Variants in TMTC2 observed in about 807,000 individuals in gnomAD.
The protein encoded by TMTC2 is protein O-mannosyl-transferase TMTC2.
TMTC2 carries 43 observed loss-of-function variants against 82.4 expected under a neutral mutation model. That is an observed-to-expected ratio of 0.52 (90% CI 0.41 to 0.67). The LOEUF (loss-of-function observed/expected upper bound fraction) is 0.67. Ranked by LOEUF, TMTC2 falls within the 30% of genes least tolerant of loss-of-function variation. The pLI is 0.00. For synonymous variants in TMTC2, 408 were observed against 381.9 expected, an observed-to-expected ratio of 1.07 and a Z score of -0.80; for missense variants, 919 against 1,012.4, an observed-to-expected ratio of 0.91 and a Z score of 1.25.
chr12:82,947,325 A>AT (rs11416434), intron 4 of TMTC2, among the ~76,000 whole-genome samples: 139,594 of 147,660 alleles, frequency 0.95, 66,011 homozygotes, highest in East Asian at 1. Context: ...GCAGAGTGCA[A>AT]TTTTTTTTTC....
chr12:82,817,653 C>T (rs574132197), intron 1 of TMTC2, among the ~76,000 whole-genome samples: 2 of 152,256 alleles, frequency 1.3e-5, no homozygotes, highest in African/African-American at 4.8e-5. Flanking sequence ...AGTCATTAAA[C>T]TTTGTCTCAT....
Position 83,132,404 on chromosome 12 carries a change from G to T in TMTC2, c.*15G>T, listed in dbSNP as rs1885290648. On this transcript the variant is annotated 3_prime_UTR_variant, in exon 12 of 12. Coordinates refer to ENST00000321196, the MANE Select transcript of TMTC2 (RefSeq NM_152588.3). The stretch of plus-strand genomic sequence containing the variant: ...CTAAGACCTGACACAGGAGGCAGAA[G>T]CCCATCCTCCTCCATTTTTAAAAGC... The T allele has an allele frequency of 6.2e-7, 1 of 1,611,050 alleles. No homozygotes were observed. The highest frequency in any genetic ancestry group is 8.5e-7 in the Non-Finnish European group (1 of 1,179,150).
intron 3 of TMTC2, among the ~76,000 whole-genome samples, chr12:82,914,676 G>T (rs1010657652): frequency 7.2e-5 from 11 of 151,878 alleles, no homozygotes; most frequent in Non-Finnish European, 1.3e-4. Flanking sequence ...ATATCGAATT[G>T]GTTATGCTTT....
chr12:82,903,107 A>G (rs1299638948), intron 3 of TMTC2, among the ~76,000 whole-genome samples: 1 of 152,064 alleles, frequency 6.6e-6, no homozygotes, highest in Non-Finnish European at 1.5e-5. Context: ...TCTTCCTGCA[A>G]TGTGTTCTCC....
chr12:82,929,205 A>G (rs1323433485), intron 3 of TMTC2, among the ~76,000 whole-genome samples: 2 of 151,832 alleles, frequency 1.3e-5, no homozygotes, highest in Non-Finnish European at 2.9e-5. Flanking sequence ...CATGACATCT[A>G]ACACGCCAAG....
Position 83,132,659 on chromosome 12 carries a change from C to G in TMTC2, c.*270C>G, listed in dbSNP as rs1269849173. The G allele has an allele frequency of 2.8e-6, 1 of 359,548 alleles. No individual in the cohort carries two copies. The highest frequency in any genetic ancestry group is 4.9e-6 in the Non-Finnish European group (1 of 202,992). 22.3% of individuals were successfully genotyped at this position (359,548 alleles called of 1,614,324 possible). A position where few individuals can be genotyped will look rare whatever the true frequency, so the allele number is the denominator to read the frequency against. ...ACTTAAAACAGAACCTTTTGGCATTCTTAAAAAGGGAGGGGTGGGTGTGTA... is the reference window on the plus strand; with the variant it reads ...ACTTAAAACAGAACCTTTTGGCATTGTTAAAAAGGGAGGGGTGGGTGTGTA... On this transcript the variant is annotated 3_prime_UTR_variant, in exon 12 of 12. Coordinates refer to ENST00000321196, the MANE Select transcript of TMTC2 (RefSeq NM_152588.3).
intron 1 of TMTC2, among the ~76,000 whole-genome samples, chr12:82,802,157 C>T (rs1879040156): frequency 6.6e-6 from 1 of 152,170 alleles, no homozygotes; most frequent in African/African-American, 2.4e-5. Context: ...GTCCCGAGCC[C>T]TGCCCCGTGG....
At chr12:82,992,741 T>G (rs1477990752) in intron 8 of TMTC2, among the ~76,000 whole-genome samples, 3 of 152,170 alleles carry the variant, frequency 2.0e-5, no homozygotes, top group Admixed American at 2.0e-4. Flanking sequence ...ATCAGTCTTA[T>G]GATTATTCTA....
rs189774991 is a variant in TMTC2, at chr12:82,752,409, T to A, written c.83+64740T>A. 1.6e-3 allele frequency among the ~76,000 whole-genome samples: 241 copies of A among 151,998 alleles called. 1 individual carries two copies. Among genetic ancestry groups the A allele is most frequent in the African/African-American group, 5.6e-3 (233 of 41,468 alleles). The stretch of plus-strand genomic sequence containing the variant: ...GCTGAGGCAGGAGAATCACTTGAAC[T>A]TGGGAGGCAGAGGTTGCAGTGAGCC... On this transcript the variant is annotated intron_variant, in intron 1 of 11. Transcript: ENST00000321196.
chr12:82,849,813 CT>C, intron 1 of TMTC2, among the ~76,000 whole-genome samples: 1 of 152,238 alleles, frequency 6.6e-6, no homozygotes, highest in Non-Finnish European at 1.5e-5. Flanking sequence ...TTGGATCCGG[CT>C]ACACTAGGAA....
At chr12:83,036,478 CTT>C (rs1332894300) in intron 9 of TMTC2, among the ~76,000 whole-genome samples, 27 of 103,082 alleles carry the variant, frequency 2.6e-4, no homozygotes, top group Admixed American at 2.9e-4. Flanking sequence ...GTCCCCGAGT[CTT>C]TTTTTTTTTT....
intron 2 of TMTC2, among the ~76,000 whole-genome samples, chr12:82,894,029 G>A (rs1009644520): frequency 6.6e-6 from 1 of 152,186 alleles, no homozygotes; most frequent in African/African-American, 2.4e-5. Context: ...AATGTGGAGG[G>A]AAGGAAAGAG....
intron 8 of TMTC2, among the ~76,000 whole-genome samples, chr12:82,995,073 C>T (rs1879554851): frequency 1.3e-5 from 2 of 151,964 alleles, no homozygotes; most frequent in Non-Finnish European, 2.9e-5. Flanking sequence ...AGCATAAAAA[C>T]ATTTTCACAT....
At chr12:82,901,298 A>AT (rs1283204460) in intron 3 of TMTC2, among the ~76,000 whole-genome samples, 1 of 117,808 alleles carries the variant, frequency 8.5e-6, no homozygotes, top group African/African-American at 3.9e-5. Context: ...ATATATATAT[A>AT]TATTTTTTTT....
chr12:83,020,744 T>C (rs1880882127), intron 8 of TMTC2, among the ~76,000 whole-genome samples: 1 of 152,188 alleles, frequency 6.6e-6, no homozygotes. Context: ...TCCACTGAAA[T>C]GTTACTGCAG....
chr12:82,719,254 C>A (rs533445676), intron 1 of TMTC2, among the ~76,000 whole-genome samples: 1 of 151,412 alleles, frequency 6.6e-6, no homozygotes, highest in Non-Finnish European at 1.5e-5. Flanking sequence ...CCACCACACC[C>A]GGCTAATTTT....
intron 1 of TMTC2, 43 bp from the exon 2 acceptor site, chr12:82,856,967 T>C: frequency 6.5e-7 from 1 of 1,545,730 alleles, no homozygotes; most frequent in Non-Finnish European, 8.7e-7. Context: ...TTTCTTTCTT[T>C]CTGTGTTTTA....
At chr12:82,978,742 T>G (rs992358471) in intron 7 of TMTC2, among the ~76,000 whole-genome samples, 2 of 151,808 alleles carry the variant, frequency 1.3e-5, no homozygotes, top group Non-Finnish European at 3.0e-5. Context: ...CTTTCTTTGT[T>G]GACTTTCTAT....
intron 1 of TMTC2, among the ~76,000 whole-genome samples, chr12:82,779,608 A>G (rs116168911): frequency 0.015 from 2,248 of 152,264 alleles, 52 homozygotes; most frequent in African/African-American, 0.05. Flanking sequence ...CAAAATAACT[A>G]TAGTTCTAGG....
Sources: gnomAD v4.1 joint callset for allele counts (sites outside exome capture counted in the v4.1 genomes callset) on GRCh38, gnomAD v4.1.1 for gene constraint, MANE v1.5 for transcripts, NCBI Gene and HGNC (gene_info 2026-07-23, HGNC 2026-07-21) for gene names.